SNX25: variants seen among roughly 807,000 people sequenced by gnomAD.
SNX25 encodes the protein sorting nexin 25.
SNX25 carries 62 observed loss-of-function variants against 113.7 expected under a neutral mutation model. The ratio of observed to expected loss-of-function variants is 0.55; its 90% CI spans 0.44 to 0.67. SNX25 has a LOEUF of 0.67. Ranked by LOEUF, SNX25 falls within the 30% of genes least tolerant of loss-of-function variation. The probability of loss-of-function intolerance (pLI) is 0.00; values close to 1 mark genes in which losing one functional copy is unlikely to be tolerated. For missense variants in SNX25, 1,014 were observed against 1,161.0 expected, an observed-to-expected ratio of 0.87 and a Z score of 1.84; for synonymous variants, 421 against 436.2, an observed-to-expected ratio of 0.97 and a Z score of 0.43.
chr4:185,361,795 C>T (rs1182365849), intron 16 of SNX25, 129 bp from the exon 17 acceptor site: 1 of 605,166 alleles, frequency 1.7e-6, no homozygotes, highest in African/African-American at 1.9e-5. Context: ...TTAAAAAATC[C>T]AATTCCTAGT....
chr4:185,239,355 C>A (rs977881230), intron 1 of SNX25, among the ~76,000 whole-genome samples: 2 of 152,000 alleles, frequency 1.3e-5, no homozygotes, highest in Non-Finnish European at 2.9e-5. Flanking sequence ...TGGTGGTGGG[C>A]ACCTGTAGTC....
At chr4:185,324,901 T>C (rs1044256405) in intron 9 of SNX25, among the ~76,000 whole-genome samples, 1 of 152,144 alleles carries the variant, frequency 6.6e-6, no homozygotes, top group African/African-American at 2.4e-5. Context: ...ATGCCGTCTG[T>C]AGATGTTTTT....
intron 16 of SNX25, among the ~76,000 whole-genome samples, chr4:185,360,982 G>A (rs1389120913): frequency 6.7e-6 from 1 of 149,478 alleles, no homozygotes; most frequent in South Asian, 2.1e-4. Flanking sequence ...ACGAAATGGG[G>A]TTGTGTAGAA....
At chr4:185,287,659 G>A (rs1247181617) in intron 5 of SNX25, among the ~76,000 whole-genome samples, 4 of 152,314 alleles carry the variant, frequency 2.6e-5, no homozygotes, top group Non-Finnish European at 5.9e-5. Flanking sequence ...TTATTAGACA[G>A]TGCCAATGTA....
intron 15 of SNX25, among the ~76,000 whole-genome samples, chr4:185,355,611 T>C (rs1229129958): frequency 6.6e-6 from 1 of 152,250 alleles, no homozygotes; most frequent in Non-Finnish European, 1.5e-5. Context: ...GGAAGATAAC[T>C]TATTTAAGAA....
intron 6 of SNX25, chr4:185,295,702 G>C (rs533047714): frequency 6.6e-6 from 1 of 152,134 alleles, no homozygotes; most frequent in Admixed American, 6.6e-5. Context: ...CGCCCTCCTC[G>C]GCCTCTCAAA....
rs1312247295 is a variant in SNX25, at chr4:185,224,534, T to A, written c.429+14279T>A. Among the ~76,000 whole-genome samples, 100 of 102,370 alleles carry A rather than the reference T, an allele frequency of 9.8e-4. 1 individual carries two copies. The East Asian group carries it at 0.017, about 17-fold the overall frequency. 67.2% of individuals were successfully genotyped at this position (102,370 alleles called of 152,430 possible). A position where few individuals can be genotyped will look rare whatever the true frequency, so the allele number is the denominator to read the frequency against. ...AGATATATAAATATATATACATATATATAAATATATATACATATATATAAA... is the reference window on the plus strand; with the variant it reads ...AGATATATAAATATATATACATATAAATAAATATATATACATATATATAAA... On this transcript the variant is annotated intron_variant, in intron 1 of 18. Coordinates refer to ENST00000652585, the MANE Select transcript of SNX25 (RefSeq NM_001378034.2).
downstream of SNX25, among the ~76,000 whole-genome samples, chr4:185,373,395 T>C: frequency 6.6e-6 from 1 of 152,110 alleles, no homozygotes; most frequent in East Asian, 1.9e-4. Context: ...AAATAGGAAC[T>C]CAGTGTCTGA....
At chr4:185,371,336 G>A (rs1475201727), downstream of SNX25, among the ~76,000 whole-genome samples, 3 of 151,984 alleles carry the variant, frequency 2.0e-5, no homozygotes, top group Admixed American at 6.6e-5. Flanking sequence ...TTAGGAGATT[G>A]AGACCATCCT....
At chr4:185,368,381 C>G (rs1226585987), downstream of SNX25, among the ~76,000 whole-genome samples, 1 of 152,138 alleles carries the variant, frequency 6.6e-6, no homozygotes, top group Non-Finnish European at 1.5e-5. Context: ...CATCTTACTG[C>G]CTCACCTTCT....
rs1579948819 is a variant in SNX25 at position 185,363,318 on chromosome 4, A to C, written c.2935-67A>C. 1.4e-6 allele frequency: 2 copies of C among 1,465,650 alleles called. No homozygotes were observed. Among genetic ancestry groups the C allele is most frequent in the East Asian group, 4.6e-5 (2 of 43,294 alleles). The allele number at this position is 1,465,650 out of a possible 1,614,324, so 90.8% of individuals were successfully genotyped here. ...AATTAGACTTTTCTCTTAGATGCAG[A>C]TATTTATTTTGAATAAACCCTTGGA... On this transcript the variant is annotated intron_variant, in intron 18 of 18. Coordinates refer to ENST00000652585, the MANE Select transcript of SNX25 (RefSeq NM_001378034.2). The surrounding 1 kb of genome is among the most constrained non-coding windows in gnomAD (Gnocchi z 4.2).
intron 2 of SNX25, among the ~76,000 whole-genome samples, chr4:185,252,041 G>A (rs1439040321): frequency 6.6e-6 from 1 of 151,728 alleles, no homozygotes; most frequent in Non-Finnish European, 1.5e-5. Context: ...TGGTTTTCAG[G>A]GAAAAGCTGC....
At position 185,285,537 on chromosome 4, in the gene SNX25, T is replaced by C. The variant is rs116132262; in HGVS notation, c.1092-2475T>C. ...GTTACCTTATGATAAATACTTGAGATTGGAATTGCTGTGTGGAAGCACGTC... is the reference window on the plus strand; with the variant it reads ...GTTACCTTATGATAAATACTTGAGACTGGAATTGCTGTGTGGAAGCACGTC... On this transcript the variant is annotated intron_variant, in intron 5 of 18. Coordinates refer to ENST00000652585, the MANE Select transcript of SNX25 (RefSeq NM_001378034.2). 8.6e-3 allele frequency among the ~76,000 whole-genome samples: 1,308 copies of C among 152,318 alleles called. 16 individuals carry two copies. Among genetic ancestry groups the C allele is most frequent in the African/African-American group, 0.029 (1,217 of 41,554 alleles).
In SNX25 at chr4:185,266,956, C is replaced by G; in HGVS notation, c.905-13C>G. ...ATACCTTTCTCAGTGGCTATTTCTT[C>G]TTCTTCCTGTAGTCTTGAAGCCGGT... On this transcript the variant is annotated splice_polypyrimidine_tract_variant and intron_variant, in intron 4 of 18. Coordinates refer to ENST00000652585, the MANE Select transcript of SNX25 (RefSeq NM_001378034.2). 6.2e-7 allele frequency: 1 copy of G among 1,603,872 alleles called. No homozygotes were observed. Among genetic ancestry groups the G allele is most frequent in the Non-Finnish European group, 8.5e-7 (1 of 1,175,220 alleles).
At chr4:185,287,634 T>C (rs1466211658) in intron 5 of SNX25, among the ~76,000 whole-genome samples, 1 of 152,246 alleles carries the variant, frequency 6.6e-6, no homozygotes, top group Non-Finnish European at 1.5e-5. Context: ...TAGCCACATG[T>C]AGCTCATGAT....
At chr4:185,330,609 G>A (rs773891021) in intron 9 of SNX25, among the ~76,000 whole-genome samples, 6 of 152,106 alleles carry the variant, frequency 3.9e-5, no homozygotes, top group African/African-American at 4.8e-5. Context: ...AGGTTTGTAC[G>A]AAGAGAAACA....
chr4:185,270,617 A>G (rs754632096), intron 5 of SNX25, among the ~76,000 whole-genome samples: 1 of 123,638 alleles, frequency 8.1e-6, no homozygotes, highest in East Asian at 2.9e-4. Context: ...TGTCACTACT[A>G]TGTAATTTCA....
Position 185,209,844 on chromosome 4 carries a change from C to A in SNX25, c.18C>A (p.Thr6=). The change falls in exon 1 of 19, where the codon ACC becomes ACA. Residue 6 remains threonine (T), a synonymous_variant. Coordinates refer to ENST00000652585, the MANE Select transcript of SNX25 (RefSeq NM_001378034.2). This position sits in a 1 kb window ranked among gnomAD's most constrained non-coding sequence, Gnocchi z 5.2. MHPDA[T]DSGGAGPSPA... ...GAAGCAGCATGCACCCCGATGCGAC[C>A]GACAGTGGCGGCGCCGGCCCCAGCC... The A allele has an allele frequency of 1.0e-6, 1 of 983,538 alleles. No homozygotes were observed. Among genetic ancestry groups the A allele is most frequent in the Non-Finnish European group, 1.2e-6 (1 of 829,236 alleles). 60.9% of individuals were successfully genotyped at this position (983,538 alleles called of 1,614,324 possible). A position where few individuals can be genotyped will look rare whatever the true frequency, so the allele number is the denominator to read the frequency against.
At chr4:185,246,530 T>A (rs1744892395) in intron 1 of SNX25, among the ~76,000 whole-genome samples, 1 of 152,230 alleles carries the variant, frequency 6.6e-6, no homozygotes, top group Non-Finnish European at 1.5e-5. Flanking sequence ...CATTTGTTTA[T>A]CTTTTATGAT....
Sources: gnomAD v4.1 joint callset for allele counts (sites outside exome capture counted in the v4.1 genomes callset) on GRCh38, gnomAD v4.1.1 for gene constraint, Gnocchi (gnomAD v3.1) non-coding constraint, MANE v1.5 for transcripts, NCBI Gene and HGNC (gene_info 2026-07-23, HGNC 2026-07-21) for gene names.